Variants in KIAA1217 observed in about 807,000 individuals in gnomAD.
The protein encoded by KIAA1217 is KIAA1217, also known as sickle tail protein homolog.
KIAA1217 carries 88 observed loss-of-function variants against 163.9 expected under a neutral mutation model. The ratio of observed to expected loss-of-function variants is 0.54; its 90% confidence interval spans 0.45 to 0.64. KIAA1217 has a LOEUF of 0.64. KIAA1217 is among the 30% of genes least tolerant of loss of function. The pLI, the probability that KIAA1217 is intolerant of heterozygous loss-of-function variation, is 0.00. For missense variants in KIAA1217, 2,372 were observed against 2,475.0 expected (o/e 0.96, Z 0.88); for synonymous variants, 903 against 923.1 (o/e 0.98, Z 0.39).
chr10:24,097,830 A>C (rs1297622239), intron 2 of KIAA1217, among the ~76,000 whole-genome samples: 2 of 152,202 alleles, frequency 1.3e-5, no homozygotes, highest in Non-Finnish European at 1.5e-5. Context: ...TTTTCTCGGC[A>C]GGTGGTCTCC....
chr10:24,402,523 C>CAAAAAAAAA (rs1173653514), intron 3 of KIAA1217, among the ~76,000 whole-genome samples: 84 of 71,000 alleles, frequency 1.2e-3, no homozygotes, highest in African/African-American at 3.8e-3. Flanking sequence ...AAACAAAAAA[C>CAAAAAAAAA]AAAACAAAAA....
intron 1 of KIAA1217, among the ~76,000 whole-genome samples, chr10:23,850,186 C>G (rs1006188968): frequency 6.6e-6 from 1 of 152,070 alleles, no homozygotes. Context: ...GATCACTCAG[C>G]AGCCTCTGAA....
intron 1 of KIAA1217, among the ~76,000 whole-genome samples, chr10:23,784,313 C>G (rs746720041): frequency 6.6e-6 from 1 of 152,062 alleles, no homozygotes; most frequent in South Asian, 2.1e-4. Flanking sequence ...CCTTCACTTT[C>G]AACTTGTGTG....
Position 24,501,514 on chromosome 10 carries a change from G to T in KIAA1217, c.1970G>T (p.Arg657Met), listed in dbSNP as rs768748392. The T allele has an allele frequency of 6.2e-7, 1 of 1,613,682 alleles. No individual in the cohort carries two copies. Among genetic ancestry groups the T allele is most frequent in the South Asian group, 1.1e-5 (1 of 91,040 alleles). Reference protein sequence around the residue: ...LEMRRSVAELRLQLQQMRQLQ... With the variant: ...LEMRRSVAELMLQLQQMRQLQ... ...ATGAGGCGGAGCGTGGCGGAACTCA[G>T]GCTCCAGCTCCAGCAGATGCGGCAG... is the stretch of plus-strand genomic sequence containing the variant. Residue 657 changes from arginine (R) to methionine (M), a missense_variant, in exon 9 of 21, where the codon AGG becomes ATG. Physicochemically the swap from Arg to Met is moderately conservative, Grantham distance 91. Transcript: ENST00000376454.
intron 2 of KIAA1217, among the ~76,000 whole-genome samples, chr10:24,278,109 G>A (rs903120367): frequency 1.3e-5 from 2 of 152,230 alleles, no homozygotes; most frequent in Non-Finnish European, 1.5e-5. Context: ...TGAAAGTAGC[G>A]AGGAGAGGCA....
intron 2 of KIAA1217, among the ~76,000 whole-genome samples, chr10:24,055,092 C>A (rs934935233): frequency 2.0e-5 from 3 of 151,966 alleles, no homozygotes; most frequent in Admixed American, 2.0e-4. Context: ...CATGGCAAAA[C>A]CCTGTCTCTA....
intron 2 of KIAA1217, among the ~76,000 whole-genome samples, chr10:24,182,438 TCACACACACA>T (rs3222547): frequency 6.9e-6 from 1 of 144,868 alleles, no homozygotes; most frequent in Non-Finnish European, 1.5e-5. Flanking sequence ...CAAGACTCCA[TCACACACACA>T]CACACACACA....
chr10:23,851,386 C>T (rs1186527245), intron 1 of KIAA1217, among the ~76,000 whole-genome samples: 4 of 152,184 alleles, frequency 2.6e-5, no homozygotes, highest in Non-Finnish European at 5.9e-5. Flanking sequence ...TGTATATGTG[C>T]CACATTTTCT....
intron 1 of KIAA1217, among the ~76,000 whole-genome samples, chr10:23,728,328 T>A (rs1229204847): frequency 1.3e-5 from 2 of 152,184 alleles, no homozygotes; most frequent in Non-Finnish European, 2.9e-5. Flanking sequence ...CAGCATCTGT[T>A]GTTTCCTGAC....
At chr10:24,191,331 A>T (rs915965624) in intron 2 of KIAA1217, among the ~76,000 whole-genome samples, 1 of 152,192 alleles carries the variant, frequency 6.6e-6, no homozygotes, top group Non-Finnish European at 1.5e-5. Flanking sequence ...GCACAATAGG[A>T]AAGTTCTCCA....
intron 16 of KIAA1217, among the ~76,000 whole-genome samples, chr10:24,533,944 C>T (rs892546041): frequency 6.6e-6 from 1 of 152,182 alleles, no homozygotes; most frequent in African/African-American, 2.4e-5. Context: ...GAACTTGTCT[C>T]ATCAGAGACA....
chr10:24,099,740 TC>T lies in KIAA1217; in HGVS notation c.-171+92372del, dbSNP rs568806637. ...ATCTCCTAATGCTATCCCTCCCCCC[TC>T]CCCCCATCCCACAACAGTCCCCGGT... On this transcript the variant is annotated intron_variant, in intron 2 of 18. Transcript: ENST00000376462. Among the ~76,000 whole-genome samples the T allele has an allele frequency of 7.0e-3, 441 of 62,954 alleles. 2 individuals are homozygous for T. Among genetic ancestry groups the T allele is most frequent in the African/African-American group, 0.025 (417 of 16,592 alleles). The allele number at this position is 62,954 out of a possible 152,430, so 41.3% of individuals were successfully genotyped here.
At position 24,531,882 on chromosome 10, in the gene KIAA1217, CCCT is replaced by C. The variant is rs768879805; in HGVS notation, c.3144_3146del (p.Pro1052del). On this transcript the variant is annotated inframe_deletion, in exon 15 of 21. Transcript: ENST00000376454. ...TGGAAAAGCTGGGGGGAAAGTCGCC[CCCT>C]CCTCCTCCGCCACCTCCTCGTCGAA... The C allele has an allele frequency of 4.4e-6, 7 of 1,608,528 alleles. No homozygotes were observed. The African/African-American group carries it at 6.7e-5, about 15-fold the overall frequency.
At chr10:23,878,857 G>T (rs144559894) in intron 1 of KIAA1217, among the ~76,000 whole-genome samples, 59 of 151,980 alleles carry the variant, frequency 3.9e-4, no homozygotes, top group African/African-American at 1.3e-3. Context: ...TGGATTTGGG[G>T]TATGAGAGAA....
intron 2 of KIAA1217, among the ~76,000 whole-genome samples, chr10:24,280,835 C>G (rs577076143): frequency 6.6e-6 from 1 of 151,174 alleles, no homozygotes; most frequent in African/African-American, 2.4e-5. Flanking sequence ...AAGAATAAAC[C>G]TAATTATACT....
intron 1 of KIAA1217, among the ~76,000 whole-genome samples, chr10:23,832,385 A>T (rs192620426): frequency 1.8e-4 from 27 of 152,196 alleles, no homozygotes; most frequent in Admixed American, 1.1e-3. Context: ...CGGAACTTCC[A>T]TGTTTTCACC....
In KIAA1217 at chr10:24,025,362, C is replaced by T. The variant is rs541249099; in HGVS notation, c.-171+17988C>T. Among the ~76,000 whole-genome samples the T allele has an allele frequency of 4.2e-4, 63 of 151,790 alleles. No individual in the cohort carries two copies. In the South Asian group the frequency reaches 0.012, roughly 29 times the overall value. On this transcript the variant is annotated intron_variant, in intron 2 of 18. Transcript: ENST00000376462. ...CTATATCTGGAATTTCTACTGTGGC[C>T]CATTGATCTATATATCTCATCTTAT...
At chr10:24,464,492 CT>C (rs945300492) in intron 5 of KIAA1217, among the ~76,000 whole-genome samples, 1 of 151,964 alleles carries the variant, frequency 6.6e-6, no homozygotes, top group Admixed American at 6.6e-5. Context: ...CCCTTTGTTG[CT>C]TTTTTTTGGA....
intron 3 of KIAA1217, among the ~76,000 whole-genome samples, chr10:24,405,253 C>T (rs530729493): frequency 2.6e-5 from 4 of 152,034 alleles, no homozygotes; most frequent in Non-Finnish European, 5.9e-5. Context: ...GCAAAGAGTG[C>T]CTGCGACCTC....
Sources: allele counts gnomAD v4.1 joint callset (sites outside exome capture counted in the v4.1 genomes callset), GRCh38; gene constraint gnomAD v4.1.1; transcripts MANE v1.5; gene names NCBI Gene and HGNC (gene_info 2026-07-23, HGNC 2026-07-21).